The following HCN1 variants were observed in gnomAD, a reference collection of about 807,000 sequenced individuals.
HCN1 encodes the protein hyperpolarization activated cyclic nucleotide gated potassium channel 1.
A neutral mutation model predicts 78.9 loss-of-function variants in HCN1; 13 were observed. The ratio of observed to expected loss-of-function variants is 0.16; its 90% CI spans 0.11 to 0.26. HCN1 has a LOEUF of 0.26. Among genes scored for constraint, HCN1 ranks in the 10% least tolerant of loss-of-function variants. HCN1 has a pLI of 1.00. For synonymous variants in HCN1, 552 were observed against 455.5 expected (o/e 1.21, Z -2.70); for missense variants, 810 against 1,154.3 (o/e 0.70, Z 4.32).
chr5:45,399,853 A>T (rs1739757696), intron 3 of HCN1, among the ~76,000 whole-genome samples: 1 of 152,184 alleles, frequency 6.6e-6, no homozygotes, highest in Non-Finnish European at 1.5e-5. Context: ...AAAGTAAAAA[A>T]TAAGATTTAA....
At chr5:45,635,680 C>A (rs1580010333) in intron 2 of HCN1, among the ~76,000 whole-genome samples, 1 of 152,216 alleles carries the variant, frequency 6.6e-6, no homozygotes, top group East Asian at 1.9e-4. Context: ...CACACTAAGA[C>A]ACGACTCATC....
chr5:45,668,765 T>C (rs1746097190), intron 1 of HCN1, among the ~76,000 whole-genome samples: 1 of 151,876 alleles, frequency 6.6e-6, no homozygotes, highest in African/African-American at 2.4e-5. Context: ...ATAAGCATGA[T>C]GCTTGTTTTC....
At position 45,442,410 on chromosome 5, in the gene HCN1, C is replaced by T. The variant is rs374686243; in HGVS notation, c.1011+19436G>A. On this transcript the variant is annotated intron_variant, in intron 3 of 7. Coordinates refer to ENST00000303230, the MANE Select transcript of HCN1 (RefSeq NM_021072.4). ...TTTGATTAATTTCAGGAGGTGGAAA[C>T]TGAGGGCCTGCTGGCTCTAAATCTG... is the stretch of plus-strand genomic sequence containing the variant. 7.5e-4 allele frequency among the ~76,000 whole-genome samples: 114 copies of T among 152,118 alleles called. 5 individuals are homozygous for T. The South Asian group carries it at 0.023, about 30-fold the overall frequency.
chr5:45,599,298 C>T (rs970369791), intron 2 of HCN1, among the ~76,000 whole-genome samples: 1 of 151,848 alleles, frequency 6.6e-6, no homozygotes, highest in Non-Finnish European at 1.5e-5. Flanking sequence ...TCTCAGCAAA[C>T]TATCACAAGG....
intron 4 of HCN1, among the ~76,000 whole-genome samples, chr5:45,394,952 T>G (rs1739658570): frequency 6.6e-6 from 1 of 152,232 alleles, no homozygotes; most frequent in Non-Finnish European, 1.5e-5. Context: ...TTTGAATTAT[T>G]ACAAAATCAT....
At chr5:45,315,976 T>C (rs563414161) in intron 5 of HCN1, among the ~76,000 whole-genome samples, 2 of 152,334 alleles carry the variant, frequency 1.3e-5, no homozygotes, top group South Asian at 4.2e-4. Context: ...AACTGAATTC[T>C]ACCAGAGGTA....
rs543052841 is a variant in HCN1, at chr5:45,591,832, C to T, written c.849+53353G>A. ...TCAATTGTTTATTTCATAGACTGTG[C>T]CTTTGGTGTGGCATCTAAAGAGTAT... On this transcript the variant is annotated intron_variant, in intron 2 of 7. Coordinates refer to ENST00000303230, the MANE Select transcript of HCN1 (RefSeq NM_021072.4). Among the ~76,000 whole-genome samples the T allele has an allele frequency of 2.0e-5, 3 of 152,162 alleles. No individual in the cohort carries two copies. The South Asian group carries it at 6.2e-4, about 32-fold the overall frequency.
Position 45,696,027 on chromosome 5 carries a change from C to T in HCN1, c.67G>A (p.Ala23Thr). The part of the protein sequence containing the change: ...SRDDGNSVFP[A>T]KASATGAGPA... ...CCCGCGCCCGTCGCGGACGCCTTGG[C>T]GGGGAAGACGCTGTTGCCATCGTCC... is the stretch of plus-strand genomic sequence containing the variant. Residue 23 changes from alanine to threonine, a missense_variant, in exon 1 of 8, where the codon GCC becomes ACC. Ala to Thr is a moderately conservative substitution (Grantham distance 58, BLOSUM62 0). Coordinates refer to ENST00000303230, the MANE Select transcript of HCN1 (RefSeq NM_021072.4). 1 of 1,320,448 alleles carries T rather than the reference C, an allele frequency of 7.6e-7. No homozygotes were observed. The highest frequency in any genetic ancestry group is 9.8e-7 in the Non-Finnish European group (1 of 1,025,480). The allele number at this position is 1,320,448 out of a possible 1,614,324, so 81.8% of individuals were successfully genotyped here.
intron 7 of HCN1, among the ~76,000 whole-genome samples, chr5:45,263,162 C>T (rs1744783647): frequency 6.6e-6 from 1 of 152,142 alleles, no homozygotes; most frequent in African/African-American, 2.4e-5. Context: ...TTTAAAGTTA[C>T]TTTTTCAAGA....
At chr5:45,341,332 T>C (rs1204995114) in intron 5 of HCN1, among the ~76,000 whole-genome samples, 2 of 152,200 alleles carry the variant, frequency 1.3e-5, no homozygotes, top group Non-Finnish European at 2.9e-5. Context: ...GACATCACAA[T>C]TGCTCAGCTT....
chr5:45,519,189 C>T (rs373822461), intron 2 of HCN1, among the ~76,000 whole-genome samples: 13 of 151,900 alleles, frequency 8.6e-5, no homozygotes, highest in African/African-American at 3.1e-4. Flanking sequence ...AAAAGTCTGG[C>T]TACTGGGAAA....
intron 3 of HCN1, among the ~76,000 whole-genome samples, chr5:45,405,696 C>T (rs1304519735): frequency 6.6e-6 from 1 of 152,178 alleles, no homozygotes; most frequent in African/African-American, 2.4e-5. Context: ...GCATAAGACA[C>T]TTTGCCCGGC....
At chr5:45,355,406 T>C (rs1013544613) in intron 4 of HCN1, among the ~76,000 whole-genome samples, 5 of 151,980 alleles carry the variant, frequency 3.3e-5, no homozygotes, top group African/African-American at 1.2e-4. Context: ...CCAGACCTAC[T>C]GAATCAGAAA....
intron 5 of HCN1, among the ~76,000 whole-genome samples, chr5:45,346,066 G>C (rs1468594494): frequency 6.6e-6 from 1 of 152,192 alleles, no homozygotes; most frequent in East Asian, 1.9e-4. Context: ...GAAAGAAGAA[G>C]TATCGACCAA....
intron 3 of HCN1, among the ~76,000 whole-genome samples, chr5:45,406,696 T>C (rs1739931668): frequency 6.6e-6 from 1 of 152,162 alleles, no homozygotes; most frequent in Non-Finnish European, 1.5e-5. Flanking sequence ...TTTTCAGGCA[T>C]TTTAAGAACA....
At chr5:45,607,756 A>C (rs1322300801) in intron 2 of HCN1, among the ~76,000 whole-genome samples, 1 of 151,716 alleles carries the variant, frequency 6.6e-6, no homozygotes, top group Non-Finnish European at 1.5e-5. Flanking sequence ...TTTAATAAAA[A>C]TTATTGGCAA....
In HCN1 at chr5:45,294,158, C is replaced by T. The variant is rs183324232; in HGVS notation, c.1618+9441G>A. 1.4e-4 allele frequency among the ~76,000 whole-genome samples: 21 copies of T among 152,020 alleles called. No individual in the cohort carries two copies. The East Asian group carries it at 3.5e-3, about 25-fold the overall frequency. On this transcript the variant is annotated intron_variant, in intron 6 of 7. Coordinates refer to ENST00000303230, the MANE Select transcript of HCN1 (RefSeq NM_021072.4). Reference sequence around the variant, plus strand: ...TATAATATAGAAGTAGAGTAAATTGCCAACTGCAGATTGGCAGATGTTTCA... The same window carrying T: ...TATAATATAGAAGTAGAGTAAATTGTCAACTGCAGATTGGCAGATGTTTCA...
At chr5:45,519,815 T>A (rs1388335227) in intron 2 of HCN1, among the ~76,000 whole-genome samples, 1 of 151,926 alleles carries the variant, frequency 6.6e-6, no homozygotes, top group Non-Finnish European at 1.5e-5. Context: ...ATGTATTTTT[T>A]TTTTTACCAT....
intron 2 of HCN1, among the ~76,000 whole-genome samples, chr5:45,469,566 T>C (rs1466025277): frequency 6.6e-6 from 1 of 151,942 alleles, no homozygotes; most frequent in African/African-American, 2.4e-5. Context: ...GTCTGAAGAT[T>C]ATTTGATGTT....
Sources: allele counts gnomAD v4.1 joint callset (sites outside exome capture counted in the v4.1 genomes callset), GRCh38; gene constraint gnomAD v4.1.1; transcripts MANE v1.5; gene names NCBI Gene and HGNC (gene_info 2026-07-23, HGNC 2026-07-21).